NFIC: variants seen among roughly 807,000 people sequenced by gnomAD.
NFIC encodes nuclear factor 1 C-type.
A neutral mutation model predicts 54.4 loss-of-function variants in NFIC; 12 were observed. The observed-to-expected ratio is 0.22, with a 90% CI of 0.14 to 0.36. NFIC has a LOEUF of 0.36. NFIC is among the 10% of genes least tolerant of loss of function. The pLI is 1.00. For synonymous variants in NFIC, 322 were observed against 319.2 expected, an observed-to-expected ratio of 1.01 and a Z score of -0.09; for missense variants, 575 against 718.2, an observed-to-expected ratio of 0.80 and a Z score of 2.28.
chr19:3,444,199 T>C (rs984470423), intron 6 of NFIC, among the ~76,000 whole-genome samples: 16 of 115,470 alleles, frequency 1.4e-4, no homozygotes, highest in African/African-American at 5.8e-4. Context: ...CAGATGGGCG[T>C]GTGTGACAAA....
At chr19:3,362,091 C>G (rs879655500), upstream of NFIC, among the ~76,000 whole-genome samples, 2 of 152,170 alleles carry the variant, frequency 1.3e-5, no homozygotes, top group Non-Finnish European at 2.9e-5. Flanking sequence ...TCTGCAGGGC[C>G]GAGAGCCCAG....
chr19:3,417,776 T>A (rs867021530), intron 2 of NFIC, among the ~76,000 whole-genome samples: 1 of 145,510 alleles, frequency 6.9e-6, no homozygotes, highest in African/African-American at 2.5e-5. Flanking sequence ...CAGGCGCCCG[T>A]CACCACGCCC....
chr19:3,444,016 T>C (rs918560169), intron 6 of NFIC, among the ~76,000 whole-genome samples: 2 of 152,190 alleles, frequency 1.3e-5, no homozygotes, highest in Non-Finnish European at 2.9e-5. Context: ...CTTGGCCCCC[T>C]GGGGGAGCCG....
chr19:3,373,933 C>T (rs919141491), intron 1 of NFIC, among the ~76,000 whole-genome samples: 1 of 152,142 alleles, frequency 6.6e-6, no homozygotes. Context: ...GGGGAAGGAG[C>T]GGCCCAAGGT....
At position 3,468,638 on chromosome 19, in the gene NFIC, T is replaced by C. The variant is rs1443749932; in HGVS notation, c.*5869T>C. The C allele has an allele frequency of 1.3e-5, 2 of 151,956 alleles. No homozygotes were observed. Among genetic ancestry groups the C allele is most frequent in the Non-Finnish European group, 2.9e-5 (2 of 67,962 alleles). The allele number at this position is 151,956 out of a possible 1,614,324, so 9.4% of individuals were successfully genotyped here. A position where few individuals can be genotyped will look rare whatever the true frequency, so the allele number is the denominator to read the frequency against. On this transcript the variant is annotated 3_prime_UTR_variant, in exon 11 of 11. Transcript: ENST00000443272. ...CAAAACATTTTCCTTTGGGTTTTTT[T>C]TTTCTTTCTTTTTTCTCCCCTTTAC...
At chr19:3,401,767 G>A (rs1312143159) in intron 2 of NFIC, among the ~76,000 whole-genome samples, 2 of 151,928 alleles carry the variant, frequency 1.3e-5, no homozygotes, top group Admixed American at 1.3e-4. Context: ...TGTCACCCAG[G>A]CTGGAGTGCA....
intron 2 of NFIC, among the ~76,000 whole-genome samples, chr19:3,417,128 G>A (rs998064474): frequency 1.6e-4 from 23 of 147,102 alleles, no homozygotes; most frequent in African/African-American, 4.9e-4. Flanking sequence ...CTCGTGATCC[G>A]CCCGCCTTGG....
chr19:3,435,047 C>A, intron 5 of NFIC, 36 bp from the exon 6 acceptor site: 1 of 1,544,416 alleles, frequency 6.5e-7, no homozygotes. Flanking sequence ...CCGCGTCTCC[C>A]TGGTAACCAG....
chr19:3,394,829 T>A (rs1017982581), intron 2 of NFIC, among the ~76,000 whole-genome samples: 7 of 151,940 alleles, frequency 4.6e-5, no homozygotes, highest in African/African-American at 1.7e-4. Flanking sequence ...ATAGGAGGGA[T>A]CCAGGTTGCG....
At chr19:3,442,340 C>G (rs1185476325) in intron 6 of NFIC, among the ~76,000 whole-genome samples, 1 of 151,918 alleles carries the variant, frequency 6.6e-6, no homozygotes. Flanking sequence ...CAGGCAGCCC[C>G]CATCCATTCC....
upstream of NFIC, among the ~76,000 whole-genome samples, chr19:3,363,094 C>G (rs2080830783): frequency 6.6e-6 from 1 of 151,794 alleles, no homozygotes; most frequent in African/African-American, 2.4e-5. Flanking sequence ...ATGTTACCAT[C>G]TATAGTTGGA....
intron 1 of NFIC, among the ~76,000 whole-genome samples, chr19:3,367,717 C>G (rs990086560): frequency 2.6e-5 from 4 of 152,158 alleles, no homozygotes; most frequent in Admixed American, 1.3e-4. Context: ...TCAGTTTCCC[C>G]TGAAGTGAGG....
intron 1 of NFIC, among the ~76,000 whole-genome samples, chr19:3,376,165 A>G (rs1376181062): frequency 1.3e-5 from 2 of 152,076 alleles, no homozygotes; most frequent in Non-Finnish European, 1.5e-5. Flanking sequence ...CGTCCATAGT[A>G]ATGAAAATAC....
At chr19:3,423,994 C>A (rs1264369529) in intron 2 of NFIC, among the ~76,000 whole-genome samples, 1 of 152,072 alleles carries the variant, frequency 6.6e-6, no homozygotes, top group African/African-American at 2.4e-5. Context: ...AATGACTGAA[C>A]CTCATTTTAT....
rs2082678863 is a variant in NFIC, at chr19:3,463,897, GCCTCCTCC to G, written c.*1131_*1138del. The G allele has an allele frequency of 1.0e-6, 1 of 973,128 alleles. No homozygotes were observed. The highest frequency in any genetic ancestry group is 1.8e-5 in the African/African-American group (1 of 56,594). The allele number at this position is 973,128 out of a possible 1,614,324, so 60.3% of individuals were successfully genotyped here. On this transcript the variant is annotated 3_prime_UTR_variant, in exon 11 of 11. Coordinates refer to ENST00000443272, the MANE Select transcript of NFIC (RefSeq NM_001245002.2). ...CAGCTGGGACACGGAATGGCCGCGG[GCCTCCTCC>G]CCCTCCCCTCCAGCCTCTCCACCAG...
chr19:3,433,642 C>T (rs928915123), intron 4 of NFIC, 50 bp downstream of exon 4: 41 of 1,588,742 alleles, frequency 2.6e-5, no homozygotes, highest in Non-Finnish European at 3.4e-5. Context: ...GGGAGGGGGC[C>T]GCAGGGAGGA....
At chr19:3,371,858 TTTTC>T (rs1568399857) in intron 1 of NFIC, among the ~76,000 whole-genome samples, 5 of 151,788 alleles carry the variant, frequency 3.3e-5, no homozygotes, top group South Asian at 2.1e-4. Flanking sequence ...TTAGTTTTTC[TTTTC>T]TTTCTTTTTT....
chr19:3,393,726 A>G (rs1244865838), intron 2 of NFIC, among the ~76,000 whole-genome samples: 1 of 147,820 alleles, frequency 6.8e-6, no homozygotes, highest in Non-Finnish European at 1.5e-5. Context: ...CTGAGACAGG[A>G]GAATCGCTTA....
At chr19:3,461,090 A>G (rs1386860160) in intron 10 of NFIC, among the ~76,000 whole-genome samples, 2 of 151,838 alleles carry the variant, frequency 1.3e-5, no homozygotes, top group Admixed American at 6.6e-5. Flanking sequence ...GTGCCACTGC[A>G]CTCCAGCCTG....
Sources: allele counts gnomAD v4.1 joint callset (sites outside exome capture counted in the v4.1 genomes callset), GRCh38; gene constraint gnomAD v4.1.1; transcripts MANE v1.5; gene names NCBI Gene and HGNC (gene_info 2026-07-23, HGNC 2026-07-21).